Variants in PIK3CD observed in about 807,000 individuals in gnomAD.
The protein encoded by PIK3CD is phosphatidylinositol 4,5-bisphosphate 3-kinase catalytic subunit delta isoform.
Under a neutral mutation model 122.9 loss-of-function variants are expected in PIK3CD, and 20 were observed. The ratio of observed to expected loss-of-function variants is 0.16; its 90% CI spans 0.11 to 0.24. The LOEUF (loss-of-function observed/expected upper bound fraction) is 0.24. Among genes scored for constraint, PIK3CD ranks in the 10% least tolerant of loss-of-function variants. PIK3CD has a pLI of 1.00. For missense variants in PIK3CD, 787 were observed against 1,406.3 expected, an observed-to-expected ratio of 0.56 and a Z score of 7.04; for synonymous variants, 596 against 593.4, an observed-to-expected ratio of 1.00 and a Z score of -0.06.
rs752258456 is a variant in PIK3CD at position 9,721,879 on chromosome 1, G to T, written c.2055+19G>T. ...GAAGCAGGTGAGGCCCAAGGCCCTG[G>T]GGGGCGGGCAGGGGGCGGCCCTGAG... On this transcript the variant is annotated intron_variant, in intron 16 of 23. Transcript: ENST00000377346. 95 of 1,612,472 alleles carry T rather than the reference G, an allele frequency of 5.9e-5. No homozygotes were observed. Among genetic ancestry groups the T allele is most frequent in the Middle Eastern group, 1.6e-4 (1 of 6,084 alleles).
At position 9,718,431 on chromosome 1, in the gene PIK3CD, G is replaced by A. The variant is rs561308951; in HGVS notation, c.1021-263G>A. ...ATCCCTGATGGGGAAACTGAGGCCT[G>A]GAGTGGGGAATGGACATGCCCCGAG... On this transcript the variant is annotated intron_variant, in intron 8 of 23. Transcript: ENST00000377346. The surrounding 1 kb of genome is among the most constrained non-coding windows in gnomAD (Gnocchi z 7.2). Among the ~76,000 whole-genome samples the A allele has an allele frequency of 2.0e-5, 3 of 152,250 alleles. No homozygotes were observed. The highest frequency in any genetic ancestry group is 7.2e-5 in the African/African-American group (3 of 41,536).
At chr1:9,701,115 C>T (rs984423134) in intron 2 of PIK3CD, among the ~76,000 whole-genome samples, 12 of 152,134 alleles carry the variant, frequency 7.9e-5, no homozygotes, top group South Asian at 2.1e-4. Flanking sequence ...GCTGTCCATC[C>T]GCTCAGCACA....
At chr1:9,647,613 CCTT>C (rs1327162226), upstream of PIK3CD, among the ~76,000 whole-genome samples, 3 of 151,600 alleles carry the variant, frequency 2.0e-5, no homozygotes, top group Non-Finnish European at 2.9e-5. Context: ...AAGGGATCCT[CCTT>C]CTACCTCAGC....
At position 9,653,763 on chromosome 1, in the gene PIK3CD, A is replaced by C. The variant is rs776380061; in HGVS notation, c.-138+1961A>C. 4 of 1,351,880 alleles carry C rather than the reference A, an allele frequency of 3.0e-6. No homozygotes were observed. The Admixed American group carries it at 7.7e-5, about 26-fold the overall frequency. 83.7% of individuals were successfully genotyped at this position (1,351,880 alleles called of 1,614,324 possible). On this transcript the variant is annotated intron_variant, in intron 1 of 23. Coordinates refer to ENST00000377346, the MANE Select transcript of PIK3CD (RefSeq NM_005026.5). ...GAAATGCCAACCCCTTAGCATTTCC[A>C]TGGCCTGCTGGAGTTTCATTTCTTG... is the stretch of plus-strand genomic sequence containing the variant.
intron 1 of PIK3CD, among the ~76,000 whole-genome samples, chr1:9,663,997 C>T (rs1009417178): frequency 4.6e-5 from 7 of 151,658 alleles, no homozygotes; most frequent in South Asian, 2.1e-4. Context: ...TGAAGAGGTC[C>T]GACTTCAATG....
rs1442992087 is a variant in PIK3CD, at chr1:9,720,081, C to A, written c.1340-31C>A. 2.5e-5 allele frequency: 40 copies of A among 1,613,324 alleles called. No homozygotes were observed. The highest frequency in any genetic ancestry group is 3.3e-5 in the Non-Finnish European group (39 of 1,180,000). ...GAGGGTCCCAGAGATGCTGGTCACCCCTCTACAACTTCATCTGCCCCTGTG... is the reference window on the plus strand; with the variant it reads ...GAGGGTCCCAGAGATGCTGGTCACCACTCTACAACTTCATCTGCCCCTGTG... On this transcript the variant is annotated intron_variant, in intron 10 of 23. Transcript: ENST00000377346. The surrounding 1 kb of genome is among the most constrained non-coding windows in gnomAD (Gnocchi z 9.0).
At chr1:9,654,225 G>A in intron 1 of PIK3CD, 6 of 1,367,638 alleles carry the variant, frequency 4.4e-6, no homozygotes, top group Non-Finnish European at 5.9e-6. Flanking sequence ...TAGGGCACGT[G>A]CCCCAGAGGT....
chr1:9,708,665 T>C (rs1467334437), intron 2 of PIK3CD, among the ~76,000 whole-genome samples: 3 of 151,770 alleles, frequency 2.0e-5, no homozygotes, highest in African/African-American at 7.3e-5. Context: ...CTGGCCAACA[T>C]GGTGAAACCC....
the PIK3CD span, among the ~76,000 whole-genome samples, chr1:9,631,818 C>G: frequency 6.6e-6 from 1 of 152,196 alleles, no homozygotes; most frequent in African/African-American, 2.4e-5. Context: ...GTTGTCCTTG[C>G]TTTACCTCGT....
intron 6 of PIK3CD, 92 bp from the exon 7 acceptor site, chr1:9,716,867 G>C (rs1647557842): frequency 6.4e-7 from 1 of 1,562,746 alleles, no homozygotes; most frequent in Non-Finnish European, 8.8e-7. Flanking sequence ...CCTAGGACAG[G>C]CAGTGGGCAG....
chr1:9,716,880 T>TG, intron 6 of PIK3CD, 79 bp from the exon 7 acceptor site: 2 of 1,597,338 alleles, frequency 1.3e-6, no homozygotes, highest in Non-Finnish European at 8.6e-7. Context: ...GTGGGCAGCT[T>TG]GGGGGGTCCT....
intron 23 of PIK3CD, among the ~76,000 whole-genome samples, chr1:9,726,133 A>T (rs1418409242): frequency 6.6e-6 from 1 of 152,110 alleles, no homozygotes; most frequent in African/African-American, 2.4e-5. Flanking sequence ...GAATCACTTG[A>T]ACACGAGAGA....
chr1:9,689,050 C>G lies in PIK3CD; in HGVS notation c.-137-2417C>G, dbSNP rs550213624. Among the ~76,000 whole-genome samples, 2 of 152,220 alleles carry G rather than the reference C, an allele frequency of 1.3e-5. No individual in the cohort carries two copies. The highest frequency in any genetic ancestry group is 1.3e-4 in the Admixed American group (2 of 15,280). On this transcript the variant is annotated intron_variant, in intron 1 of 23. Transcript: ENST00000377346. The surrounding 1 kb of genome is among the most constrained non-coding windows in gnomAD (Gnocchi z 6.1). The stretch of plus-strand genomic sequence containing the variant: ...GCAGGCTGGATTTGAGCCCAGAGCC[C>G]GGGCTGGCCAATTACTCGAGTGAGT...
At chr1:9,692,208 C>CT (rs1445216005) in intron 2 of PIK3CD, among the ~76,000 whole-genome samples, 2 of 152,206 alleles carry the variant, frequency 1.3e-5, no homozygotes, top group Non-Finnish European at 2.9e-5. Flanking sequence ...AGCTCCATGA[C>CT]TGCGAGACCT....
At chr1:9,676,722 C>T (rs1645553060) in intron 1 of PIK3CD, among the ~76,000 whole-genome samples, 1 of 152,210 alleles carries the variant, frequency 6.6e-6, no homozygotes, top group Non-Finnish European at 1.5e-5. Flanking sequence ...TCCTTGAGTC[C>T]CACTTTCCTC....
intron 2 of PIK3CD, among the ~76,000 whole-genome samples, chr1:9,702,222 T>C (rs1333683550): frequency 6.6e-6 from 1 of 151,968 alleles, no homozygotes; most frequent in Non-Finnish European, 1.5e-5. Context: ...CTCGAACTCC[T>C]GACCTCAGGT....
chr1:9,637,738 A>G, the PIK3CD span, among the ~76,000 whole-genome samples: 2 of 152,108 alleles, frequency 1.3e-5, no homozygotes, highest in Non-Finnish European at 2.9e-5. Flanking sequence ...ATTTCTTTGC[A>G]TATTTTGAGA....
chr1:9,661,134 C>T (rs554105677), intron 1 of PIK3CD, among the ~76,000 whole-genome samples: 42 of 152,222 alleles, frequency 2.8e-4, no homozygotes, highest in African/African-American at 9.1e-4. Context: ...GGGGTTTCAT[C>T]GTGTTGGACA....
In PIK3CD at chr1:9,716,980, A is replaced by C; in HGVS notation, c.802A>C (p.Ser268Arg). ...QFQYICSCLH[S>R]GLTPHLTMVH... ...TCAGTACATCTGCAGCTGCCTGCAC[A>C]GTGGGTTGACCCCTCACCTGACCAT... Residue 268 changes from serine (S) to arginine (R), a missense_variant, in exon 7 of 24, where the codon AGT becomes CGT. By Grantham distance (110) the Ser-to-Arg change is moderately radical. This residue lies in a region of PIK3CD where 592 missense variants were observed against 920.6 expected (regional missense o/e 0.64). Transcript: ENST00000377346. 6.2e-7 allele frequency: 1 copy of C among 1,613,814 alleles called. No homozygotes were observed. Among genetic ancestry groups the C allele is most frequent in the African/African-American group, 1.3e-5 (1 of 75,042 alleles).
Sources: gnomAD v4.1 joint callset for allele counts (sites outside exome capture counted in the v4.1 genomes callset) on GRCh38, gnomAD v4.1.1 for gene constraint, gnomAD v4.1.1 regional missense constraint, Gnocchi (gnomAD v3.1) non-coding constraint, MANE v1.5 for transcripts, NCBI Gene and HGNC (gene_info 2026-07-23, HGNC 2026-07-21) for gene names.